Variants in CAPS2 observed in about 807,000 individuals in gnomAD.
The protein encoded by CAPS2 is calcyphosin-2.
CAPS2 carries 98 observed loss-of-function variants against 86.5 expected under a neutral mutation model. The ratio of observed to expected loss-of-function variants is 1.13; its 90% CI spans 0.96 to 1.34. The LOEUF (loss-of-function observed/expected upper bound fraction) is 1.34. Among genes scored for constraint, CAPS2 ranks in the 40% most tolerant of loss-of-function variants. CAPS2 has a pLI of 0.00. For missense variants in CAPS2, 729 were observed against 686.8 expected (o/e 1.06, Z -0.69); for synonymous variants, 210 against 225.1 (o/e 0.93, Z 0.60).
chr12:75,276,506 C>T (rs1227807595), downstream of CAPS2: 2 of 973,276 alleles, frequency 2.1e-6, no homozygotes, highest in Non-Finnish European at 2.4e-6. Context: ...TTCATTAGCA[C>T]ATATATTTAT....
chr12:75,370,857 T>C (rs950161030), intron 1 of CAPS2, among the ~76,000 whole-genome samples: 1 of 152,140 alleles, frequency 6.6e-6, no homozygotes, highest in Non-Finnish European at 1.5e-5. Flanking sequence ...CTGGCATTTC[T>C]TTTTTCTGAA....
At chr12:75,294,599 T>C (rs1021167564) in intron 11 of CAPS2, among the ~76,000 whole-genome samples, 1 of 152,148 alleles carries the variant, frequency 6.6e-6, no homozygotes, top group Non-Finnish European at 1.5e-5. Flanking sequence ...ATGAAAAGTT[T>C]GTTTTTTCCC....
intron 11 of CAPS2, 39 bp from the exon 12 acceptor site, chr12:75,293,406 T>C (rs752143525): frequency 8.3e-7 from 1 of 1,209,346 alleles, no homozygotes; most frequent in Admixed American, 1.9e-5. Context: ...AGAAAGCATG[T>C]AAGAAATAAA....
downstream of CAPS2, chr12:75,276,276 C>T: frequency 6.5e-7 from 1 of 1,532,024 alleles, no homozygotes; most frequent in Non-Finnish European, 8.8e-7. Context: ...TATCAGGGTA[C>T]ATGTTTTATA....
At chr12:75,359,344 T>A (rs2043392796) in intron 1 of CAPS2, among the ~76,000 whole-genome samples, 1 of 138,514 alleles carries the variant, frequency 7.2e-6, no homozygotes, top group Non-Finnish European at 1.6e-5. Context: ...GTTAGAAGAC[T>A]CAGCATTGTT....
intron 1 of CAPS2, chr12:75,390,185 T>C (rs952902948): frequency 1.3e-5 from 5 of 375,966 alleles, no homozygotes; most frequent in Non-Finnish European, 2.1e-5. Flanking sequence ...GAATTTAAAG[T>C]CTTCAAAGCA....
intron 1 of CAPS2, among the ~76,000 whole-genome samples, chr12:75,386,329 T>C (rs1300156241): frequency 1.3e-5 from 2 of 152,182 alleles, no homozygotes; most frequent in Non-Finnish European, 2.9e-5. Flanking sequence ...TAATTTATTT[T>C]AAAAAAAGAT....
intron 9 of CAPS2, among the ~76,000 whole-genome samples, chr12:75,299,578 T>A (rs1248663012): frequency 6.6e-6 from 1 of 152,110 alleles, no homozygotes; most frequent in African/African-American, 2.4e-5. Context: ...CTCTAAAAAA[T>A]TCACTGCTGT....
At chr12:75,296,264 G>A (rs2036855404) in intron 11 of CAPS2, among the ~76,000 whole-genome samples, 1 of 151,988 alleles carries the variant, frequency 6.6e-6, no homozygotes, top group South Asian at 2.1e-4. Context: ...GTGCATATAT[G>A]CGTGCATATG....
intron 1 of CAPS2, among the ~76,000 whole-genome samples, chr12:75,375,556 G>A (rs541207614): frequency 6.6e-6 from 1 of 152,262 alleles, no homozygotes; most frequent in South Asian, 2.1e-4. Flanking sequence ...AAGGAGTTCT[G>A]CGTCTGAAAG....
intron 16 of CAPS2, among the ~76,000 whole-genome samples, chr12:75,279,846 T>C (rs1273457573): frequency 6.6e-6 from 1 of 152,024 alleles, no homozygotes; most frequent in Non-Finnish European, 1.5e-5. Flanking sequence ...CCAAACTATA[T>C]GAAAACATAG....
chr12:75,281,097 G>GT (rs1346641001), intron 16 of CAPS2, among the ~76,000 whole-genome samples: 3 of 151,782 alleles, frequency 2.0e-5, no homozygotes, highest in East Asian at 1.9e-4. Flanking sequence ...TGTAAAATGG[G>GT]TTTTTTTAAC....
At chr12:75,374,135 C>T (rs2044523552) in intron 1 of CAPS2, among the ~76,000 whole-genome samples, 1 of 152,200 alleles carries the variant, frequency 6.6e-6, no homozygotes, top group East Asian at 1.9e-4. Flanking sequence ...CCGCCAAAGG[C>T]TCCTAACAAC....
Position 75,291,809 on chromosome 12 carries a change from A to ATAGAAGCAGTT in CAPS2, c.1164_1174dup (p.Met392LysfsTer11). 4 of 1,546,914 alleles carry ATAGAAGCAGTT rather than the reference A, an allele frequency of 2.6e-6. No homozygotes were observed. The highest frequency in any genetic ancestry group is 3.5e-6 in the Non-Finnish European group (4 of 1,135,862). ...AATGATTATATCATCCTCCTGTTCC[A>ATAGAAGCAGTT]TAGAAGCAGTTCTGCAATTGACATG... On this transcript the variant is annotated frameshift_variant, in exon 13 of 17. Transcript: ENST00000393284. LOFTEE classifies it high-confidence loss of function.
chr12:75,375,995 A>G (rs769958155), intron 1 of CAPS2, among the ~76,000 whole-genome samples: 1 of 152,176 alleles, frequency 6.6e-6, no homozygotes, highest in African/African-American at 2.4e-5. Flanking sequence ...TTTGCAAGGT[A>G]TTGGTGAAGG....
intron 1 of CAPS2, among the ~76,000 whole-genome samples, chr12:75,367,335 A>G (rs1343764992): frequency 1.3e-5 from 2 of 151,718 alleles, no homozygotes; most frequent in Non-Finnish European, 2.9e-5. Context: ...TAAAACACAA[A>G]CATATTGTAT....
chr12:75,352,212 T>C (rs892018905), intron 1 of CAPS2, among the ~76,000 whole-genome samples: 2 of 152,194 alleles, frequency 1.3e-5, no homozygotes, highest in East Asian at 1.9e-4. Flanking sequence ...CACAGAATGG[T>C]AAGCTGGATA....
At chr12:75,331,479 T>G (rs1015759834), upstream of CAPS2, among the ~76,000 whole-genome samples, 2 of 152,152 alleles carry the variant, frequency 1.3e-5, no homozygotes, top group Non-Finnish European at 2.9e-5. Context: ...TCCATAAAAT[T>G]CATCTATCCA....
intron 1 of CAPS2, among the ~76,000 whole-genome samples, chr12:75,376,199 A>G (rs1422021369): frequency 6.6e-6 from 1 of 152,136 alleles, no homozygotes; most frequent in Non-Finnish European, 1.5e-5. Context: ...AACTATTAGA[A>G]CTTTTTTTAA....
Sources: allele counts gnomAD v4.1 joint callset (sites outside exome capture counted in the v4.1 genomes callset), GRCh38; gene constraint gnomAD v4.1.1; transcripts MANE v1.5; gene names NCBI Gene and HGNC (gene_info 2026-07-23, HGNC 2026-07-21).